The following TESK2 variants were observed in gnomAD, a reference collection of about 807,000 sequenced individuals.
TESK2 encodes the protein testis associated actin remodelling kinase 2, also known as dual specificity testis-specific protein kinase 2.
Under a neutral mutation model 57.1 loss-of-function variants are expected in TESK2, and 39 were observed. The observed-to-expected ratio is 0.68, with a 90% CI of 0.53 to 0.89. The LOEUF (loss-of-function observed/expected upper bound fraction) is 0.89. TESK2 is among the 40% of genes least tolerant of loss of function. TESK2 has a pLI of 0.00. For missense variants in TESK2, 646 were observed against 732.1 expected (o/e 0.88, Z 1.36); for synonymous variants, 249 against 267.9 (o/e 0.93, Z 0.69).
Position 45,462,524 on chromosome 1 carries a change from G to A in TESK2, c.-86-4653C>T, listed in dbSNP as rs529524911. Among the ~76,000 whole-genome samples the A allele has an allele frequency of 4.6e-5, 7 of 152,216 alleles. No individual in the cohort carries two copies. In the South Asian group the frequency reaches 1.0e-3, roughly 23 times the overall value. On this transcript the variant is annotated intron_variant, in intron 1 of 10. Coordinates refer to ENST00000372086, the MANE Select transcript of TESK2 (RefSeq NM_007170.3). ...CCTGACATTGTGATCCGCCCACCTC[G>A]GCCTCCCAAAGTGCTGAGATTACAG...
chr1:45,472,987 A>C (rs1447824136), intron 1 of TESK2, among the ~76,000 whole-genome samples: 1 of 151,344 alleles, frequency 6.6e-6, no homozygotes, highest in Non-Finnish European at 1.5e-5. Context: ...AAAAAAAAAA[A>C]AAAAAAATAC....
At chr1:45,403,626 A>T (rs990959865) in intron 3 of TESK2, among the ~76,000 whole-genome samples, 1 of 152,198 alleles carries the variant, frequency 6.6e-6, no homozygotes, top group Non-Finnish European at 1.5e-5. Flanking sequence ...TACACATAAT[A>T]ACAAGAGGCC....
intron 3 of TESK2, among the ~76,000 whole-genome samples, chr1:45,414,212 A>G (rs1476472869): frequency 6.6e-6 from 1 of 152,240 alleles, no homozygotes; most frequent in Non-Finnish European, 1.5e-5. Context: ...ACATAAAAAC[A>G]TAAATGATAT....
intron 7 of TESK2, 62 bp downstream of exon 7, chr1:45,347,547 A>AC: frequency 6.8e-7 from 1 of 1,478,210 alleles, no homozygotes; most frequent in East Asian, 2.3e-5. Context: ...ACATAGTGAG[A>AC]CCATCTCAAA....
At position 45,457,655 on chromosome 1, in the gene TESK2, C is replaced by T. The variant is rs1652162723; in HGVS notation, c.131G>A (p.Arg44Gln). ...QVGRVWPSSY[R>Q]ALISAFSRLT... ...TCTGGAAAAGGCACTTATAAGAGCT[C>T]GATACGAAGATGGCCAAACTCTTCC... Residue 44 changes from arginine (R) to glutamine (Q), a missense_variant, in exon 2 of 11, where the codon CGA (arginine) becomes CAA (glutamine). Coordinates refer to ENST00000372086, the MANE Select transcript of TESK2 (RefSeq NM_007170.3). The T allele has an allele frequency of 1.9e-6, 3 of 1,614,034 alleles. No individual in the cohort carries two copies. The highest frequency in any genetic ancestry group is 1.1e-5 in the South Asian group (1 of 91,078).
chr1:45,347,905 T>C lies in TESK2; in HGVS notation c.623+13A>G. On this transcript the variant is annotated intron_variant, in intron 6 of 10. Transcript: ENST00000372086. ...CTGTCCCTTGGACCCCAGCATCCAG[T>C]AGGGCTACACACCTGACATCGGGGA... 1 of 1,605,124 alleles carries C rather than the reference T, an allele frequency of 6.2e-7. No homozygotes were observed.
At position 45,345,501 on chromosome 1, in the gene TESK2, G is replaced by A; in HGVS notation, c.1055C>T (p.Pro352Leu). ...ACGTCTTGGGCATGGTGACTTGTGG[G>A]GGATCTTGTCATCCAGTGAGCTTAG... ...KRLSSLDDKI[P>L]HKSPCPRRTI... The change falls in exon 11 of 11, where the codon CCC becomes CTC. Residue 352 changes from proline to leucine, a missense_variant. Coordinates refer to ENST00000372086, the MANE Select transcript of TESK2 (RefSeq NM_007170.3). The A allele has an allele frequency of 1.2e-6, 2 of 1,614,078 alleles. No homozygotes were observed. The highest frequency in any genetic ancestry group is 1.7e-6 in the Non-Finnish European group (2 of 1,180,010).
intron 4 of TESK2, among the ~76,000 whole-genome samples, chr1:45,376,645 G>A (rs1264388963): frequency 1.3e-5 from 2 of 152,140 alleles, no homozygotes; most frequent in East Asian, 1.9e-4. Context: ...GCCACACAGA[G>A]TATTATTATA....
At chr1:45,472,973 TAA>T (rs1023886539) in intron 1 of TESK2, among the ~76,000 whole-genome samples, 13 of 100,812 alleles carry the variant, frequency 1.3e-4, no homozygotes, top group Non-Finnish European at 1.2e-4. Context: ...CTGTCTCTAC[TAA>T]AAAAAAAAAA....
intron 4 of TESK2, among the ~76,000 whole-genome samples, chr1:45,376,730 C>G (rs990747168): frequency 5.3e-5 from 8 of 152,088 alleles, no homozygotes; most frequent in Non-Finnish European, 1.2e-4. Context: ...GAGATAAGGA[C>G]ATTCCTAGTA....
At chr1:45,436,798 TC>T (rs1366883172) in intron 2 of TESK2, among the ~76,000 whole-genome samples, 1 of 109,980 alleles carries the variant, frequency 9.1e-6, no homozygotes, top group Non-Finnish European at 2.0e-5. Context: ...AACATTAGTA[TC>T]TTTTTTTTTT....
At chr1:45,452,135 G>C (rs1651900212) in intron 2 of TESK2, among the ~76,000 whole-genome samples, 3 of 149,760 alleles carry the variant, frequency 2.0e-5, no homozygotes, top group African/African-American at 7.4e-5. Flanking sequence ...TATAAGTTTT[G>C]CTTTTAATTA....
chr1:45,345,151 A>G lies in TESK2; in HGVS notation c.1405T>C (p.Cys469Arg), dbSNP rs1313741651. The part of the protein sequence containing the change: ...GSPEFLHQEA[C>R]PFVGREESLS... The stretch of plus-strand genomic sequence containing the variant: ...GATTCTTCCCGGCCCACAAATGGAC[A>G]AGCCTCTTGATGCAAGAACTCAGGC... The change falls in exon 11 of 11, where the codon TGT becomes CGT. Residue 469 changes from cysteine (C) to arginine (R), a missense_variant. Cys to Arg is a radical substitution (Grantham distance 180). Coordinates refer to ENST00000372086, the MANE Select transcript of TESK2 (RefSeq NM_007170.3). The G allele has an allele frequency of 6.2e-7, 1 of 1,614,214 alleles. No homozygotes were observed. Among genetic ancestry groups the G allele is most frequent in the Non-Finnish European group, 8.5e-7 (1 of 1,180,032 alleles).
At chr1:45,350,216 G>A (rs941569459) in intron 5 of TESK2, among the ~76,000 whole-genome samples, 6 of 152,190 alleles carry the variant, frequency 3.9e-5, no homozygotes, top group African/African-American at 1.4e-4. Context: ...TGAGGACTGA[G>A]CTGACAAGAG....
intron 1 of TESK2, among the ~76,000 whole-genome samples, chr1:45,473,035 T>C (rs1213954929): frequency 1.3e-5 from 2 of 148,454 alleles, no homozygotes; most frequent in South Asian, 4.3e-4. Context: ...GTGCCTGTAG[T>C]CCCAGCTAAT....
chr1:45,432,764 T>C (rs904035778), intron 2 of TESK2, among the ~76,000 whole-genome samples: 1 of 135,838 alleles, frequency 7.4e-6, no homozygotes, highest in Non-Finnish European at 1.6e-5. Flanking sequence ...ATAACTTTTT[T>C]TTTTTTTTTT....
intron 3 of TESK2, among the ~76,000 whole-genome samples, chr1:45,410,214 C>T (rs931825249): frequency 6.6e-5 from 10 of 152,122 alleles, no homozygotes; most frequent in Non-Finnish European, 1.2e-4. Context: ...TGTGAACTCT[C>T]TTGAGAGTCT....
At chr1:45,385,737 A>ATAT (rs1557552027) in intron 4 of TESK2, among the ~76,000 whole-genome samples, 175 bp downstream of exon 4, 29 of 125,418 alleles carry the variant, frequency 2.3e-4, no homozygotes, top group African/African-American at 9.8e-4. Flanking sequence ...TATATATATA[A>ATAT]AGAAATACTG....
intron 1 of TESK2, among the ~76,000 whole-genome samples, chr1:45,474,521 C>T (rs114275212): frequency 0.012 from 1,812 of 151,938 alleles, 30 homozygotes; most frequent in African/African-American, 0.039. Context: ...CGTGCAGGCT[C>T]AAGTGCAATG....
Sources: allele counts gnomAD v4.1 joint callset (sites outside exome capture counted in the v4.1 genomes callset), GRCh38; gene constraint gnomAD v4.1.1; transcripts MANE v1.5; gene names NCBI Gene and HGNC (gene_info 2026-07-23, HGNC 2026-07-21).